TRPM5: variants seen among roughly 807,000 people sequenced by gnomAD.
TRPM5 encodes the protein MLSN1 and TRP-related.
Under a neutral mutation model 124.9 loss-of-function variants are expected in TRPM5, and 121 were observed. That is an observed-to-expected ratio of 0.97 (90% CI 0.84 to 1.13). TRPM5 has a LOEUF of 1.13. Among genes scored for constraint, TRPM5 ranks in the 50% most tolerant of loss-of-function variants. The pLI is 0.00. For missense variants in TRPM5, 1,643 were observed against 1,589.1 expected, an observed-to-expected ratio of 1.03 and a Z score of -0.58; for synonymous variants, 781 against 700.5, an observed-to-expected ratio of 1.11 and a Z score of -1.81.
chr11:2,416,054 G>A (rs902394510), intron 7 of TRPM5, 30 bp from the exon 13 acceptor site: 3 of 1,548,502 alleles, frequency 1.9e-6, no homozygotes, highest in Admixed American at 1.8e-5. Context: ...GCACTGGTGA[G>A]GGTGGAGCTG....
At chr11:2,407,895 A>C in exon 19 of TRPM5, 1 of 1,613,726 alleles carries the variant, frequency 6.2e-7, no homozygotes, top group Non-Finnish European at 8.5e-7. Context: ...GGGTGGGTGG[A>C]GCAGTTCACA....
intron 7 of TRPM5, among the ~76,000 whole-genome samples, chr11:2,417,155 T>G (rs1845699068): frequency 2.0e-5 from 3 of 152,120 alleles, no homozygotes; most frequent in East Asian, 3.9e-4. Context: ...ACGAATATAC[T>G]AAAAACCACT....
At chr11:2,420,911 G>T in intron 3 of TRPM5, 121 bp downstream of exon 8, 4 of 1,174,862 alleles carry the variant, frequency 3.4e-6, no homozygotes, top group East Asian at 5.7e-5. Context: ...GGCTCTGCCC[G>T]CTCCCTGCTC....
At chr11:2,426,097 G>A (rs924824264), upstream of TRPM5, among the ~76,000 whole-genome samples, 6 of 152,156 alleles carry the variant, frequency 3.9e-5, no homozygotes, top group Non-Finnish European at 5.9e-5. Context: ...CCCCCGGGAC[G>A]ACCAGCAGCC....
chr11:2,414,292 C>T, intron 11 of TRPM5, 86 bp from the exon 17 acceptor site: 2 of 1,503,386 alleles, frequency 1.3e-6, no homozygotes, highest in Non-Finnish European at 1.8e-6. Context: ...CTGCCCAGAC[C>T]TGGGCTCTGC....
intron 12 of TRPM5, 52 bp downstream of exon 17, chr11:2,414,009 G>GGGGGGCGCCCCCCCC: frequency 9.8e-7 from 1 of 1,023,732 alleles, no homozygotes. Flanking sequence ...GGCCCAGCTC[G>GGGGGGCGCCCCCCCC]CCCGCCCACC....
At chr11:2,415,865 G>C in intron 8 of TRPM5, 41 bp downstream of exon 13, 1 of 1,431,400 alleles carries the variant, frequency 7.0e-7, no homozygotes, top group Non-Finnish European at 9.6e-7. Context: ...AGCTCGGGCA[G>C]TGCCATGATG....
rs1485231227 is a variant in TRPM5, at chr11:2,413,472, C to T, written c.2003+4G>A. ...TGGCCGGGCAGCTCACAGGCCTCAC[C>T]CACCTGAAGGTGATGAGGTTGGTAT... On this transcript the variant is annotated splice_donor_region_variant and intron_variant, in intron 13 of 23. Coordinates refer to ENST00000155858, the Ensembl canonical transcript of TRPM5. 6.2e-7 allele frequency: 1 copy of T among 1,605,882 alleles called. No homozygotes were observed. Among genetic ancestry groups the T allele is most frequent in the African/African-American group, 1.3e-5 (1 of 74,646 alleles).
exon 15 of TRPM5, chr11:2,412,959 G>T: frequency 6.2e-7 from 1 of 1,606,084 alleles, no homozygotes; most frequent in Admixed American, 1.7e-5. Flanking sequence ...CAGGAAGACA[G>T]CACGTGGGCC....
At chr11:2,411,789 C>T (rs777449131) in intron 16 of TRPM5, 22 bp from the exon 22 acceptor site, 7 of 1,610,820 alleles carry the variant, frequency 4.3e-6, no homozygotes, top group African/African-American at 2.7e-5. Context: ...GAGGCTGATG[C>T]GGCTGCGGGG....
rs372291525 is a variant in TRPM5, at chr11:2,415,115, G to A, written c.1479+6C>T. 2,808 of 1,568,752 alleles carry A rather than the reference G, an allele frequency of 1.8e-3. 6 individuals carry two copies. The highest frequency in any genetic ancestry group is 2.4e-3 in the Admixed American group (136 of 55,876). ...CGCCCTCCATCCCCACGGAGCCCCC[G>A]CTCACCGCCCTCCTGCGGTCCCCTG... On this transcript the variant is annotated splice_donor_region_variant and intron_variant, in intron 9 of 23. Transcript: ENST00000155858.
At chr11:2,407,417 GCTT>G in intron 19 of TRPM5, 117 bp from the exon 25 acceptor site, 1 of 1,020,882 alleles carries the variant, frequency 9.8e-7, no homozygotes. Context: ...GCCCAGCACT[GCTT>G]CTGCGTTGCC....
chr11:2,410,353 G>A (rs929053516), intron 18 of TRPM5, among the ~76,000 whole-genome samples: 5 of 152,190 alleles, frequency 3.3e-5, no homozygotes, highest in Admixed American at 6.5e-5. Context: ...CACAGAGGTC[G>A]GGGTCAGGCC....
chr11:2,407,295 G>C, exon 20 of TRPM5: 1 of 1,609,260 alleles, frequency 6.2e-7, no homozygotes, highest in Non-Finnish European at 8.5e-7. Context: ...CACCTGGAAC[G>C]TGTAGCTGCA....
At position 2,411,396 on chromosome 11, in the gene TRPM5, G is replaced by A; in HGVS notation, c.2738C>T (p.Pro913Leu). The A allele has an allele frequency of 6.2e-7, 1 of 1,611,492 alleles. No individual in the cohort carries two copies. Among genetic ancestry groups the A allele is most frequent in the Non-Finnish European group, 8.5e-7 (1 of 1,179,038 alleles). ...GATCTGGCCGAAGATCTGCAGGTAG[G>A]GCCGGTAGAGCACCCGGCGGAAGAT... Residue 913 changes from proline (P) to leucine (L), a missense_variant, in exon 18 of 24, where the codon CCC becomes CTC. Coordinates refer to ENST00000155858, the Ensembl canonical transcript of TRPM5.
intron 3 of TRPM5, 81 bp downstream of exon 8, chr11:2,420,951 A>G: frequency 7.1e-7 from 1 of 1,408,332 alleles, no homozygotes; most frequent in East Asian, 2.6e-5. Flanking sequence ...GTCCTCCCAG[A>G]GCTCTGCCCG....
the TRPM5 span, among the ~76,000 whole-genome samples, chr11:2,432,859 ATGG>A: frequency 6.6e-6 from 1 of 152,182 alleles, no homozygotes; most frequent in Admixed American, 6.5e-5. Flanking sequence ...AGGAAAGCTG[ATGG>A]TGGGGGCGTC....
At chr11:2,406,159 A>G in intron 21 of TRPM5, 68 bp from the exon 27 acceptor site, 1 of 1,561,962 alleles carries the variant, frequency 6.4e-7, no homozygotes, top group South Asian at 1.1e-5. Flanking sequence ...GAGCCTCCCC[A>G]TCCCCCCAGG....
intron 4 of TRPM5, 22 bp downstream of exon 9, chr11:2,420,200 G>C: frequency 6.4e-7 from 1 of 1,571,546 alleles, no homozygotes; most frequent in South Asian, 1.2e-5. Flanking sequence ...AGGCTTCCCT[G>C]GGTGGCTGGG....
Sources: allele counts gnomAD v4.1 joint callset (sites outside exome capture counted in the v4.1 genomes callset), GRCh38; gene constraint gnomAD v4.1.1; transcripts MANE v1.5; gene names NCBI Gene and HGNC (gene_info 2026-07-23, HGNC 2026-07-21).